The following SLC4A5 variants were observed in gnomAD, a reference collection of about 807,000 sequenced individuals.
SLC4A5 encodes the protein solute carrier family 4 member 5.
SLC4A5 carries 96 observed loss-of-function variants against 120.4 expected under a neutral mutation model. That is an observed-to-expected ratio of 0.80 (90% CI 0.68 to 0.94). SLC4A5 has a LOEUF of 0.94. Ranked by LOEUF, SLC4A5 falls within the 40% of genes least tolerant of loss-of-function variation. The pLI, the probability that SLC4A5 is intolerant of heterozygous loss-of-function variation, is 0.00. For missense variants in SLC4A5, 1,259 were observed against 1,459.5 expected, an observed-to-expected ratio of 0.86 and a Z score of 2.24; for synonymous variants, 550 against 571.1, an observed-to-expected ratio of 0.96 and a Z score of 0.53.
At chr2:74,313,978 G>A (rs943349233) in intron 6 of SLC4A5, among the ~76,000 whole-genome samples, 3 of 152,172 alleles carry the variant, frequency 2.0e-5, no homozygotes, top group Admixed American at 1.3e-4. Context: ...CATCTGTAAT[G>A]TGGGAATGAA....
At chr2:74,285,777 C>T (rs779852879) in exon 8 of SLC4A5, 3 of 1,610,286 alleles carry the variant, frequency 1.9e-6, no homozygotes, top group South Asian at 1.1e-5. Flanking sequence ...CCTCACCTGG[C>T]TGACTCCTTC....
chr2:74,304,324 G>A (rs1367308946), intron 7 of SLC4A5, among the ~76,000 whole-genome samples, 165 bp downstream of exon 7: 1 of 152,196 alleles, frequency 6.6e-6, no homozygotes, highest in African/African-American at 2.4e-5. Flanking sequence ...CAGTGAGCAG[G>A]AAGGTTGGCC....
intron 25 of SLC4A5, among the ~76,000 whole-genome samples, 177 bp downstream of exon 25, chr2:74,231,059 G>A (rs1439256941): frequency 6.6e-6 from 1 of 151,994 alleles, no homozygotes; most frequent in African/African-American, 2.4e-5. Context: ...CGCCTGCCTC[G>A]GCCTCCCAAA....
chr2:74,285,440 G>A (rs1473956511), intron 8 of SLC4A5, among the ~76,000 whole-genome samples: 1 of 152,164 alleles, frequency 6.6e-6, no homozygotes, highest in Non-Finnish European at 1.5e-5. Context: ...TGGGAGACTT[G>A]AATATATGCG....
chr2:74,265,746 CCT>C (rs1671282521), intron 8 of SLC4A5, among the ~76,000 whole-genome samples: 2 of 152,120 alleles, frequency 1.3e-5, no homozygotes, highest in South Asian at 2.1e-4. Flanking sequence ...AGTATTTCTC[CCT>C]GAGTTCCCCT....
intron 7 of SLC4A5, among the ~76,000 whole-genome samples, chr2:74,288,794 G>A (rs1057464990): frequency 6.6e-6 from 1 of 152,172 alleles, no homozygotes; most frequent in Non-Finnish European, 1.5e-5. Context: ...GCCTTCTCAA[G>A]TCAACCTCAA....
At chr2:74,290,627 G>A in intron 7 of SLC4A5, 1 of 952,714 alleles carries the variant, frequency 1.0e-6, no homozygotes, top group Non-Finnish European at 1.2e-6. Context: ...AGAAGTGAGA[G>A]AGAGAGAGAG....
At position 74,234,925 on chromosome 2, in the gene SLC4A5, C is replaced by G. The variant is rs111541765; in HGVS notation, c.2433+176G>C. On this transcript the variant is annotated intron_variant, in intron 22 of 30. Coordinates refer to ENST00000394019, the Ensembl canonical transcript of SLC4A5. ...TCCTGGTGAATATGTTACCCCTCCCCGCCCTACCTCAAAGGACTGGCTCCT... is the reference window on the plus strand; with the variant it reads ...TCCTGGTGAATATGTTACCCCTCCCGGCCCTACCTCAAAGGACTGGCTCCT... 1.5e-4 allele frequency among the ~76,000 whole-genome samples: 23 copies of G among 152,176 alleles called. No homozygotes were observed. In the East Asian group the frequency reaches 4.4e-3, roughly 29 times the overall value.
chr2:74,227,834 G>C (rs180817000), exon 26 of SLC4A5: 10 of 1,611,652 alleles, frequency 6.2e-6, no homozygotes, highest in Non-Finnish European at 7.6e-6. Flanking sequence ...GGGAGGCCAC[G>C]CCCATGTAGA....
In SLC4A5 at chr2:74,247,257, G is replaced by C. The variant is rs1286749296; in HGVS notation, c.1838C>G (p.Ser613Ter). The change falls in exon 19 of 31, where the codon TCA (serine) becomes TGA (stop). Residue 613 changes from serine (S) to a stop codon, truncating the protein, a stop_gained. Transcript: ENST00000394019. LOFTEE classifies it high-confidence loss of function. The stretch of plus-strand genomic sequence containing the variant: ...CACTAGGATAAGGCACTGGACAGCT[G>C]AGTGTAGGCCAATCCAGAGGCGGAA... The C allele has an allele frequency of 1.2e-6, 2 of 1,614,200 alleles. No homozygotes were observed. Among genetic ancestry groups the C allele is most frequent in the Admixed American group, 3.3e-5 (2 of 60,034 alleles).
intron 13 of SLC4A5, 60 bp from the exon 14 acceptor site, chr2:74,254,766 A>T: frequency 7.9e-7 from 1 of 1,263,132 alleles, no homozygotes; most frequent in Non-Finnish European, 1.2e-6. Flanking sequence ...TGAAAGTGAG[A>T]AGGAAAAACA....
chr2:74,249,029 A>G (rs1426078375), intron 17 of SLC4A5, among the ~76,000 whole-genome samples: 1 of 152,204 alleles, frequency 6.6e-6, no homozygotes, highest in Non-Finnish European at 1.5e-5. Context: ...ATTTTGGGCT[A>G]GATGATTCTT....
At chr2:74,242,148 C>G in intron 19 of SLC4A5, 96 bp from the exon 20 acceptor site, 2 of 1,161,910 alleles carry the variant, frequency 1.7e-6, no homozygotes, top group Non-Finnish European at 2.5e-6. Flanking sequence ...TTCCTTAGAG[C>G]CAAGGCCTGG....
At chr2:74,319,687 C>A (rs1673050232) in intron 5 of SLC4A5, among the ~76,000 whole-genome samples, 1 of 152,088 alleles carries the variant, frequency 6.6e-6, no homozygotes, top group South Asian at 2.1e-4. Context: ...CTCTCTCTCC[C>A]CATTCACTGA....
chr2:74,279,354 C>A (rs1295403948), intron 8 of SLC4A5, among the ~76,000 whole-genome samples: 4 of 152,136 alleles, frequency 2.6e-5, no homozygotes, highest in Non-Finnish European at 4.4e-5. Context: ...TACTTCTTAT[C>A]CCCTCCCTTC....
chr2:74,268,507 A>T (rs887149719), intron 8 of SLC4A5, among the ~76,000 whole-genome samples: 9 of 152,272 alleles, frequency 5.9e-5, no homozygotes, highest in African/African-American at 2.2e-4. Context: ...TGATAGGAAC[A>T]GTTCTCAACT....
chr2:74,294,964 C>G (rs888571433), intron 7 of SLC4A5, among the ~76,000 whole-genome samples: 1 of 152,186 alleles, frequency 6.6e-6, no homozygotes, highest in African/African-American at 2.4e-5. Context: ...AGCCACCATG[C>G]CTGGCCCTCT....
intron 6 of SLC4A5, among the ~76,000 whole-genome samples, chr2:74,314,575 C>T (rs1672905546): frequency 1.3e-5 from 2 of 152,176 alleles, no homozygotes; most frequent in Admixed American, 1.3e-4. Flanking sequence ...AAATACCTGC[C>T]ACCTCAACAT....
chr2:74,277,555 T>C (rs1671683767), intron 8 of SLC4A5, among the ~76,000 whole-genome samples: 1 of 151,884 alleles, frequency 6.6e-6, no homozygotes, highest in African/African-American at 2.4e-5. Context: ...TCTCAGAGAC[T>C]GAAAAATAAA....
Sources: allele counts gnomAD v4.1 joint callset (sites outside exome capture counted in the v4.1 genomes callset), GRCh38; gene constraint gnomAD v4.1.1; transcripts MANE v1.5; gene names NCBI Gene and HGNC (gene_info 2026-07-23, HGNC 2026-07-21).